The following NOX4 variants were observed in gnomAD, a reference collection of about 807,000 sequenced individuals.
The protein encoded by NOX4 is NADPH oxidase 4.
NOX4 carries 69 observed loss-of-function variants against 87.6 expected under a neutral mutation model. The ratio of observed to expected loss-of-function variants is 0.79; its 90% CI spans 0.65 to 0.96. The LOEUF (loss-of-function observed/expected upper bound fraction) is 0.96. Ranked by LOEUF, NOX4 falls within the 40% of genes least tolerant of loss-of-function variation. The pLI is 0.00. For missense variants in NOX4, 680 were observed against 681.5 expected, an observed-to-expected ratio of 1.00 and a Z score of 0.02; for synonymous variants, 275 against 238.2, an observed-to-expected ratio of 1.15 and a Z score of -1.42.
the NOX4 span, among the ~76,000 whole-genome samples, chr11:89,527,602 A>G: frequency 6.6e-6 from 1 of 152,186 alleles, no homozygotes; most frequent in African/African-American, 2.4e-5. Context: ...AGGGGCCAAC[A>G]TATAGCTCAG....
chr11:89,501,442 G>A (rs1270024278), upstream of NOX4, among the ~76,000 whole-genome samples: 4 of 152,094 alleles, frequency 2.6e-5, no homozygotes, highest in South Asian at 6.2e-4. Context: ...GAGCAGAGAA[G>A]AGAAGATAAT....
chr11:89,352,373 C>A (rs1946498416), intron 13 of NOX4, among the ~76,000 whole-genome samples: 1 of 152,116 alleles, frequency 6.6e-6, no homozygotes, highest in African/African-American at 2.4e-5. Context: ...AACATTACAT[C>A]CATTTTGCAA....
At chr11:89,385,739 AG>A (rs1296758951) in intron 11 of NOX4, among the ~76,000 whole-genome samples, 1 of 152,158 alleles carries the variant, frequency 6.6e-6, no homozygotes, top group Non-Finnish European at 1.5e-5. Flanking sequence ...GCCCCTGACC[AG>A]GACTGGCAAA....
the NOX4 span, among the ~76,000 whole-genome samples, chr11:89,554,891 C>T: frequency 6.6e-6 from 1 of 151,954 alleles, no homozygotes; most frequent in Non-Finnish European, 1.5e-5. Context: ...CTTTATTATT[C>T]ATCTGGGTCT....
the NOX4 span, among the ~76,000 whole-genome samples, chr11:89,573,160 TATA>T: frequency 5.3e-5 from 8 of 152,192 alleles, no homozygotes; most frequent in African/African-American, 1.9e-4. Flanking sequence ...CCTGAGACAA[TATA>T]TTATTATTTT....
intron 9 of NOX4, 47 bp from the exon 10 acceptor site, chr11:89,400,426 A>ACGGCGACCACC (rs1360716147): frequency 6.3e-6 from 9 of 1,423,522 alleles, no homozygotes; most frequent in Admixed American, 4.3e-5. Context: ...CTCATATTGT[A>ACGGCGACCACC]GAAATCTACA....
At chr11:89,438,776 TATA>T (rs1319283152) in intron 6 of NOX4, among the ~76,000 whole-genome samples, 4 of 30,380 alleles carry the variant, frequency 1.3e-4, no homozygotes, top group East Asian at 1.3e-3. Flanking sequence ...AATATAATAA[TATA>T]ATAATATATA....
the NOX4 span, among the ~76,000 whole-genome samples, chr11:89,511,979 T>G: frequency 6.6e-6 from 1 of 152,076 alleles, no homozygotes; most frequent in Non-Finnish European, 1.5e-5. Flanking sequence ...ACAGATGTAA[T>G]TAGTAGGTGT....
intron 8 of NOX4, among the ~76,000 whole-genome samples, chr11:89,421,496 C>T (rs1291747559): frequency 1.3e-5 from 2 of 151,960 alleles, no homozygotes; most frequent in Non-Finnish European, 2.9e-5. Flanking sequence ...TCCTGTAGAA[C>T]TTTTAAAATG....
At position 89,345,526 on chromosome 11, in the gene NOX4, C is replaced by CAG. The variant is rs1254114648; in HGVS notation, c.1218-3334_1218-3333insCT. On this transcript the variant is annotated intron_variant, in intron 13 of 17. Coordinates refer to ENST00000263317, the MANE Select transcript of NOX4 (RefSeq NM_016931.5). ...ATGAGCTTAAACAACCAATACTGTA[C>CAG]TCTACAGTGTACAGCAGCATTCAAT... Among the ~76,000 whole-genome samples the CAG allele has an allele frequency of 6.3e-3, 966 of 152,262 alleles. 2 individuals carry two copies. Among genetic ancestry groups the CAG allele is most frequent in the Non-Finnish European group, 0.011 (719 of 68,022 alleles).
At chr11:89,461,698 A>C (rs1945474628) in intron 2 of NOX4, among the ~76,000 whole-genome samples, 1 of 151,462 alleles carries the variant, frequency 6.6e-6, no homozygotes, top group African/African-American at 2.4e-5. Context: ...TCCAATATTA[A>C]CATTATGCAG....
At chr11:89,540,384 GT>G in the NOX4 span, among the ~76,000 whole-genome samples, 1 of 151,710 alleles carries the variant, frequency 6.6e-6, no homozygotes, top group Admixed American at 6.6e-5. Context: ...CAGCTAAGTA[GT>G]TTTTCAGCAT....
At chr11:89,459,676 A>C (rs533617930) in intron 2 of NOX4, among the ~76,000 whole-genome samples, 6 of 152,266 alleles carry the variant, frequency 3.9e-5, no homozygotes, top group Admixed American at 3.9e-4. Flanking sequence ...AAACAAATGG[A>C]AGAACATTCC....
At chr11:89,521,765 T>C in the NOX4 span, among the ~76,000 whole-genome samples, 9 of 152,086 alleles carry the variant, frequency 5.9e-5, no homozygotes, top group Admixed American at 2.0e-4. Flanking sequence ...TGGGAGAAGA[T>C]AATCACAAAC....
intron 7 of NOX4, among the ~76,000 whole-genome samples, chr11:89,424,394 G>A (rs1331728381): frequency 1.3e-5 from 2 of 150,192 alleles, no homozygotes; most frequent in Admixed American, 6.6e-5. Context: ...AGAAAAAGTA[G>A]ATATATCTAC....
intron 8 of NOX4, among the ~76,000 whole-genome samples, chr11:89,412,143 A>C (rs1449806293): frequency 6.6e-6 from 1 of 152,186 alleles, no homozygotes; most frequent in African/African-American, 2.4e-5. Context: ...ATATACACCC[A>C]AAACTGCAGC....
intron 8 of NOX4, among the ~76,000 whole-genome samples, chr11:89,419,998 A>G (rs1472313062): frequency 6.6e-6 from 1 of 152,118 alleles, no homozygotes; most frequent in Admixed American, 6.6e-5. Context: ...ACAGATCACA[A>G]TCTCAAAGCA....
intron 12 of NOX4, among the ~76,000 whole-genome samples, chr11:89,365,628 C>T (rs1938904585): frequency 6.6e-6 from 1 of 151,256 alleles, no homozygotes; most frequent in Non-Finnish European, 1.5e-5. Flanking sequence ...AAAAGAAACA[C>T]CTCAGACTGA....
At chr11:89,519,661 A>T in the NOX4 span, among the ~76,000 whole-genome samples, 1 of 152,094 alleles carries the variant, frequency 6.6e-6, no homozygotes, top group East Asian at 1.9e-4. Flanking sequence ...AAGTTTCAAG[A>T]GCTAGGGAGC....
Sources: allele counts gnomAD v4.1 joint callset (sites outside exome capture counted in the v4.1 genomes callset), GRCh38; gene constraint gnomAD v4.1.1; transcripts MANE v1.5; gene names NCBI Gene and HGNC (gene_info 2026-07-23, HGNC 2026-07-21).